The following TIGAR variants were observed in gnomAD, a reference collection of about 807,000 sequenced individuals.
TIGAR encodes the protein fructose-2,6-bisphosphatase TIGAR.
A neutral mutation model predicts 17.9 loss-of-function variants in TIGAR; 7 were observed. The ratio of observed to expected loss-of-function variants is 0.39; its 90% CI spans 0.22 to 0.73. The LOEUF is 0.73. TIGAR is among the 30% of genes least tolerant of loss of function. TIGAR has a pLI of 0.42. For missense variants in TIGAR, 258 were observed against 327.4 expected (o/e 0.79, Z 1.64); for synonymous variants, 94 against 108.6 (o/e 0.87, Z 0.84).
At chr12:4,333,453 C>A (rs930300189) in intron 2 of TIGAR, among the ~76,000 whole-genome samples, 1 of 151,354 alleles carries the variant, frequency 6.6e-6, no homozygotes. Flanking sequence ...CCACACCTGG[C>A]TCATTTTTTA....
At chr12:4,327,795 G>A (rs952008976) in intron 1 of TIGAR, among the ~76,000 whole-genome samples, 1 of 151,706 alleles carries the variant, frequency 6.6e-6, no homozygotes, top group East Asian at 2.0e-4. Context: ...AGCCTCCCGA[G>A]TCGCTGGGAC....
At chr12:4,331,213 ATT>A in intron 1 of TIGAR, 65 bp from the exon 2 acceptor site, 1 of 1,420,870 alleles carries the variant, frequency 7.0e-7, no homozygotes, top group Non-Finnish European at 1.0e-6. Flanking sequence ...TTGATTGCTC[ATT>A]TTTTTCCTCC....
chr12:4,325,689 C>G (rs892274855), intron 1 of TIGAR, among the ~76,000 whole-genome samples: 6 of 150,922 alleles, frequency 4.0e-5, no homozygotes, highest in African/African-American at 1.5e-4. Flanking sequence ...TTGCAGTGAG[C>G]CCAGATTGCG....
chr12:4,324,774 T>G, intron 1 of TIGAR: 3 of 666,126 alleles, frequency 4.5e-6, no homozygotes, highest in East Asian at 2.7e-5. Flanking sequence ...GTAGGTGAGT[T>G]TGCGGAAGGT....
intron 2 of TIGAR, among the ~76,000 whole-genome samples, chr12:4,334,176 C>T (rs1455797909): frequency 1.3e-5 from 2 of 152,172 alleles, no homozygotes; most frequent in Non-Finnish European, 2.9e-5. Flanking sequence ...GCTGCTGTAA[C>T]AGAGTATCAT....
rs201477715 is a variant in TIGAR, at chr12:4,321,322, G to A, written c.32+19G>A. On this transcript the variant is annotated intron_variant, in intron 1 of 5. Transcript: ENST00000179259. The surrounding 1 kb of genome is among the most constrained non-coding windows in gnomAD (Gnocchi z 5.2). ...TCCGGCAGTGAGTATGGCTGTGGCA[G>A]GATGTCTTTCTCTCTCTCTTCCTTG... 3 of 1,600,718 alleles carry A rather than the reference G, an allele frequency of 1.9e-6. No individual in the cohort carries two copies. The highest frequency in any genetic ancestry group is 2.5e-6 in the Non-Finnish European group (3 of 1,179,746).
intron 1 of TIGAR, among the ~76,000 whole-genome samples, chr12:4,327,795 G>T (rs952008976): frequency 6.6e-6 from 1 of 151,706 alleles, no homozygotes. Context: ...AGCCTCCCGA[G>T]TCGCTGGGAC....
At chr12:4,344,309 C>G (rs1488236313) in intron 3 of TIGAR, among the ~76,000 whole-genome samples, 1 of 152,192 alleles carries the variant, frequency 6.6e-6, no homozygotes, top group Non-Finnish European at 1.5e-5. Flanking sequence ...CAAGGAGGAG[C>G]TGGTACCATT....
Position 4,358,456 on chromosome 12 carries a change from C to T in TIGAR, c.*5765C>T, listed in dbSNP as rs189183768. On this transcript the variant is annotated 3_prime_UTR_variant, in exon 6 of 6. Transcript: ENST00000179259. ...AAGGAATGGCTGTATACTCTTCACA[C>T]TTATTCACCACTTGCTTACCTGTTG... is the stretch of plus-strand genomic sequence containing the variant. 2.7e-3 allele frequency among the ~76,000 whole-genome samples: 406 copies of T among 152,262 alleles called. 1 individual carries two copies. Among genetic ancestry groups the T allele is most frequent in the Non-Finnish European group, 4.3e-3 (292 of 68,032 alleles).
In TIGAR at chr12:4,358,294, A is replaced by T. The variant is rs1224004000; in HGVS notation, c.*5603A>T. Among the ~76,000 whole-genome samples the T allele has an allele frequency of 6.6e-6, 1 of 151,738 alleles. No homozygotes were observed. Among genetic ancestry groups the T allele is most frequent in the Non-Finnish European group, 1.5e-5 (1 of 67,960 alleles). Reference sequence around the variant, plus strand: ...AAATTAGCTGGGCGTCTCCAAAAAAAAAAAAAAAGAAAAAGAAAAATCACT... The same window carrying T: ...AAATTAGCTGGGCGTCTCCAAAAAATAAAAAAAAGAAAAAGAAAAATCACT... On this transcript the variant is annotated 3_prime_UTR_variant, in exon 6 of 6. Coordinates refer to ENST00000179259, the MANE Select transcript of TIGAR (RefSeq NM_020375.3).
chr12:4,334,692 A>G (rs1864639922), intron 2 of TIGAR, among the ~76,000 whole-genome samples: 1 of 152,152 alleles, frequency 6.6e-6, no homozygotes, highest in Admixed American at 6.5e-5. Flanking sequence ...ACGTTCTTTG[A>G]AAAGTCCTCT....
intron 3 of TIGAR, among the ~76,000 whole-genome samples, chr12:4,346,659 G>A (rs1412460494): frequency 6.6e-6 from 1 of 151,970 alleles, no homozygotes; most frequent in Non-Finnish European, 1.5e-5. Flanking sequence ...AATGTAAATG[G>A]CGAGTTAATG....
chr12:4,333,963 C>T (rs528071375), intron 2 of TIGAR, among the ~76,000 whole-genome samples: 87 of 151,780 alleles, frequency 5.7e-4, no homozygotes, highest in African/African-American at 1.6e-3. Flanking sequence ...TGATGTGTTT[C>T]GATTTTTTTT....
At chr12:4,352,124 T>C in intron 5 of TIGAR, 136 bp from the exon 6 acceptor site, 2 of 675,230 alleles carry the variant, frequency 3.0e-6, no homozygotes, top group South Asian at 2.0e-5. Context: ...AATAGAAATG[T>C]AGATTGATAT....
At chr12:4,335,000 A>T (rs1339485537) in intron 2 of TIGAR, among the ~76,000 whole-genome samples, 1 of 151,266 alleles carries the variant, frequency 6.6e-6, no homozygotes, top group Non-Finnish European at 1.5e-5. Flanking sequence ...TGAAATTCTT[A>T]GCTATTTTCT....
chr12:4,325,557 A>G (rs1246811459), intron 1 of TIGAR, among the ~76,000 whole-genome samples: 1 of 151,964 alleles, frequency 6.6e-6, no homozygotes, highest in Non-Finnish European at 1.5e-5. Flanking sequence ...CCTGGTCAAC[A>G]TGGTGAAACC....
chr12:4,346,344 TG>T (rs1311532334), intron 3 of TIGAR, among the ~76,000 whole-genome samples: 5 of 152,136 alleles, frequency 3.3e-5, no homozygotes, highest in African/African-American at 1.2e-4. Context: ...AGCAAAGACT[TG>T]GAACCAACCC....
intron 3 of TIGAR, among the ~76,000 whole-genome samples, chr12:4,349,242 G>A (rs766166876): frequency 6.6e-6 from 1 of 152,198 alleles, no homozygotes; most frequent in Non-Finnish European, 1.5e-5. Context: ...AATGAATGCT[G>A]TGGCTGTGTC....
At chr12:4,326,681 CTA>C (rs1295623570) in intron 1 of TIGAR, among the ~76,000 whole-genome samples, 1 of 152,190 alleles carries the variant, frequency 6.6e-6, no homozygotes, top group African/African-American at 2.4e-5. Flanking sequence ...TTTTATGAAA[CTA>C]TCAAATTTCT....
Sources: allele counts gnomAD v4.1 joint callset (sites outside exome capture counted in the v4.1 genomes callset), GRCh38; gene constraint gnomAD v4.1.1; non-coding constraint Gnocchi (gnomAD v3.1); transcripts MANE v1.5; gene names NCBI Gene and HGNC (gene_info 2026-07-23, HGNC 2026-07-21).